The following LRRC20 variants were observed in gnomAD, a reference collection of about 807,000 sequenced individuals.
LRRC20 encodes the protein leucine-rich repeat-containing protein 20.
Under a neutral mutation model 14.4 loss-of-function variants are expected in LRRC20, and 11 were observed. The observed-to-expected ratio is 0.77, with a 90% CI of 0.48 to 1.27. LRRC20 has a LOEUF of 1.27. Among genes scored for constraint, LRRC20 ranks in the 50% most tolerant of loss-of-function variants. LRRC20 has a pLI of 0.00. For missense variants in LRRC20, 219 were observed against 251.2 expected (o/e 0.87, Z 0.87); for synonymous variants, 121 against 107.3 (o/e 1.13, Z -0.79).
chr10:70,330,245 C>T (rs1842485974), intron 3 of LRRC20, among the ~76,000 whole-genome samples: 1 of 151,480 alleles, frequency 6.6e-6, no homozygotes. Flanking sequence ...TTGGAGATTT[C>T]TTCTTTGGGA....
In LRRC20 at chr10:70,372,738, G is replaced by A. The variant is rs534626531; in HGVS notation, c.82+3714C>T. Among the ~76,000 whole-genome samples, 7 of 151,924 alleles carry A rather than the reference G, an allele frequency of 4.6e-5. No homozygotes were observed. In the South Asian group the frequency reaches 1.0e-3, roughly 23 times the overall value. On this transcript the variant is annotated intron_variant, in intron 2 of 4. Coordinates refer to ENST00000446961, the MANE Select transcript of LRRC20 (RefSeq NM_001278212.2). Reference sequence around the variant, plus strand: ...ATTAAAGGTGTGAGCCACTGCGCCCGGCCGAGAATGTGCCAGTCTTTATTT... The same window carrying A: ...ATTAAAGGTGTGAGCCACTGCGCCCAGCCGAGAATGTGCCAGTCTTTATTT...
At chr10:70,335,378 C>T (rs1434167965) in intron 3 of LRRC20, among the ~76,000 whole-genome samples, 7 of 152,192 alleles carry the variant, frequency 4.6e-5, no homozygotes, top group African/African-American at 1.7e-4. Flanking sequence ...AGCAACCCAC[C>T]TCCCAGTCCG....
intron 4 of LRRC20, among the ~76,000 whole-genome samples, chr10:70,311,441 C>T (rs373604126): frequency 1.1e-4 from 17 of 151,932 alleles, no homozygotes; most frequent in Non-Finnish European, 1.9e-4. Flanking sequence ...AGGCTGGTCT[C>T]GAACTCCTGA....
intron 2 of LRRC20, among the ~76,000 whole-genome samples, chr10:70,346,922 GC>G (rs1843093497): frequency 6.6e-6 from 1 of 152,110 alleles, no homozygotes; most frequent in Admixed American, 6.5e-5. Flanking sequence ...ATCTCGCTCT[GC>G]CACCCAGGCT....
chr10:70,344,084 G>A (rs974535809), intron 2 of LRRC20, among the ~76,000 whole-genome samples: 35 of 152,044 alleles, frequency 2.3e-4, no homozygotes, highest in Non-Finnish European at 4.1e-4. Flanking sequence ...GCCTGTAGTC[G>A]CAGATACTTG....
chr10:70,366,683 A>G (rs1844012370), intron 2 of LRRC20, among the ~76,000 whole-genome samples: 1 of 152,154 alleles, frequency 6.6e-6, no homozygotes, highest in Non-Finnish European at 1.5e-5. Context: ...TCAAACATAT[A>G]CTTAATATAT....
Position 70,300,617 on chromosome 10 carries a change from G to A in LRRC20, c.*737C>T, listed in dbSNP as rs1025105195. ...AGCTCAGGAGTGATGCTAGAGGGAC[G>A]GAGCACTCAGGACTTCCCACCCCGC... is the stretch of plus-strand genomic sequence containing the variant. On this transcript the variant is annotated 3_prime_UTR_variant, in exon 5 of 5. Coordinates refer to ENST00000446961, the MANE Select transcript of LRRC20 (RefSeq NM_001278212.2). 58 of 985,564 alleles carry A rather than the reference G, an allele frequency of 5.9e-5. No homozygotes were observed. The highest frequency in any genetic ancestry group is 1.8e-4 in the Admixed American group (3 of 16,282). 61.1% of individuals were successfully genotyped at this position (985,564 alleles called of 1,614,324 possible). A position where few individuals can be genotyped will look rare whatever the true frequency, so the allele number is the denominator to read the frequency against.
At chr10:70,376,306 A>T in intron 2 of LRRC20, 146 bp downstream of exon 2, 1 of 798,946 alleles carries the variant, frequency 1.3e-6, no homozygotes. Flanking sequence ...CACAAATTAC[A>T]CACTGTTGCA....
chr10:70,340,457 C>A, intron 3 of LRRC20, 96 bp downstream of exon 3: 1 of 1,447,236 alleles, frequency 6.9e-7, no homozygotes, highest in South Asian at 1.2e-5. Context: ...GTGTCGCTGA[C>A]CAGGGACCAG....
chr10:70,335,059 G>A (rs185153092), intron 3 of LRRC20, among the ~76,000 whole-genome samples: 1 of 152,036 alleles, frequency 6.6e-6, no homozygotes, highest in East Asian at 1.9e-4. Context: ...GGTCACCCCT[G>A]GGAGGGCCTG....
At chr10:70,319,487 T>C (rs1841997112) in intron 4 of LRRC20, among the ~76,000 whole-genome samples, 2 of 152,072 alleles carry the variant, frequency 1.3e-5, no homozygotes, top group African/African-American at 2.4e-5. Context: ...TCCACCTCCT[T>C]AGAAACCCTC....
chr10:70,313,931 G>T (rs1176863251), intron 4 of LRRC20, among the ~76,000 whole-genome samples: 1 of 152,214 alleles, frequency 6.6e-6, no homozygotes, highest in African/African-American at 2.4e-5. Context: ...ACATACCAGA[G>T]GCTGGGTAAC....
At chr10:70,312,327 C>A (rs74139077) in intron 4 of LRRC20, among the ~76,000 whole-genome samples, 143 of 152,272 alleles carry the variant, frequency 9.4e-4, no homozygotes, top group African/African-American at 3.2e-3. Context: ...ACTGTGGTAA[C>A]CTGGCAGGGA....
At chr10:70,335,691 C>G (rs1218590296) in intron 3 of LRRC20, among the ~76,000 whole-genome samples, 2 of 152,218 alleles carry the variant, frequency 1.3e-5, no homozygotes, top group African/African-American at 4.8e-5. Context: ...AACATTCCCA[C>G]CCAGGCAGAT....
At chr10:70,302,716 T>TC in intron 4 of LRRC20, among the ~76,000 whole-genome samples, 1 of 150,592 alleles carries the variant, frequency 6.6e-6, no homozygotes. Context: ...TCTATTTCTT[T>TC]TTTTTTTTTT....
chr10:70,328,901 G>C (rs1449007747), intron 3 of LRRC20, among the ~76,000 whole-genome samples: 1 of 152,228 alleles, frequency 6.6e-6, no homozygotes, highest in Non-Finnish European at 1.5e-5. Flanking sequence ...CTGGGCAACA[G>C]AGTGAGAGCG....
intron 4 of LRRC20, among the ~76,000 whole-genome samples, chr10:70,306,110 C>G (rs1182801807): frequency 2.6e-5 from 4 of 151,144 alleles, no homozygotes; most frequent in African/African-American, 7.3e-5. Context: ...CTGTCTCTCT[C>G]TCTCTCTCTC....
At chr10:70,349,913 G>A (rs1011712781) in intron 2 of LRRC20, among the ~76,000 whole-genome samples, 5 of 152,108 alleles carry the variant, frequency 3.3e-5, no homozygotes, top group Admixed American at 6.5e-5. Flanking sequence ...GGGATGTTTA[G>A]GGTCACCCTA....
chr10:70,320,511 G>A (rs191945073), intron 4 of LRRC20, among the ~76,000 whole-genome samples: 10 of 152,234 alleles, frequency 6.6e-5, no homozygotes, highest in Admixed American at 4.6e-4. Context: ...TTCATAGTAC[G>A]CAACTTGAAA....
Sources: gnomAD v4.1 joint callset for allele counts (sites outside exome capture counted in the v4.1 genomes callset) on GRCh38, gnomAD v4.1.1 for gene constraint, MANE v1.5 for transcripts, NCBI Gene and HGNC (gene_info 2026-07-23, HGNC 2026-07-21) for gene names.